Variants in WWP1 observed in about 807,000 individuals in gnomAD.
WWP1 encodes WW domain containing E3 ubiquitin protein ligase 1.
Under a neutral mutation model 130.6 loss-of-function variants are expected in WWP1, and 49 were observed. The observed-to-expected ratio is 0.38, with a 90% CI of 0.30 to 0.48. The LOEUF (loss-of-function observed/expected upper bound fraction) is 0.48. WWP1 is among the 20% of genes least tolerant of loss of function. The probability of loss-of-function intolerance (pLI) is 0.99; values close to 1 mark genes in which losing one functional copy is unlikely to be tolerated. For synonymous variants in WWP1, 332 were observed against 367.8 expected, an observed-to-expected ratio of 0.90 and a Z score of 1.11; for missense variants, 809 against 1,100.6, an observed-to-expected ratio of 0.74 and a Z score of 3.75.
At chr8:86,451,598 C>T (rs566795874) in intron 20 of WWP1, among the ~76,000 whole-genome samples, 3 of 152,178 alleles carry the variant, frequency 2.0e-5, no homozygotes, top group East Asian at 1.9e-4. Context: ...GTTGAGGATA[C>T]GGGACAAAGA....
At chr8:86,382,635 G>T (rs1401804986) in intron 5 of WWP1, among the ~76,000 whole-genome samples, 2 of 152,120 alleles carry the variant, frequency 1.3e-5, no homozygotes, top group East Asian at 3.9e-4. Flanking sequence ...GGAGGTGGAG[G>T]TTGCAGTGAG....
At chr8:86,449,613 G>A (rs1330317707) in intron 20 of WWP1, among the ~76,000 whole-genome samples, 1 of 152,312 alleles carries the variant, frequency 6.6e-6, no homozygotes, top group Non-Finnish European at 1.5e-5. Context: ...TTGCCAGCAC[G>A]TGAACTACAG....
intron 1 of WWP1, among the ~76,000 whole-genome samples, chr8:86,355,945 T>A (rs2130151286): frequency 6.6e-6 from 1 of 152,316 alleles, no homozygotes; most frequent in Non-Finnish European, 1.5e-5. Flanking sequence ...CCCAAGGAAA[T>A]CTGGCTTCAA....
chr8:86,359,318 C>G (rs760073633), intron 1 of WWP1, among the ~76,000 whole-genome samples: 2 of 152,138 alleles, frequency 1.3e-5, no homozygotes, highest in African/African-American at 2.4e-5. Context: ...ACAACTCTAA[C>G]AGTTTCATTG....
intron 1 of WWP1, among the ~76,000 whole-genome samples, chr8:86,347,747 G>T (rs1365317075): frequency 6.6e-6 from 1 of 152,116 alleles, no homozygotes; most frequent in Non-Finnish European, 1.5e-5. Context: ...TAATTCTGTT[G>T]CTTTTACAGA....
chr8:86,466,683 A>C, intron 24 of WWP1, 111 bp from the exon 25 acceptor site: 1 of 589,952 alleles, frequency 1.7e-6, no homozygotes, highest in Admixed American at 3.9e-5. Context: ...AAATTTTAAC[A>C]TATATAGTAT....
intron 3 of WWP1, among the ~76,000 whole-genome samples, chr8:86,376,211 C>T (rs774558404): frequency 9.9e-5 from 15 of 152,184 alleles, no homozygotes; most frequent in Non-Finnish European, 1.8e-4. Flanking sequence ...GACCAATGGA[C>T]AGTACACCTG....
Position 86,387,485 on chromosome 8 carries a change from A to ATATT in WWP1, c.334+5878_334+5881dup, listed in dbSNP as rs769835999. Among the ~76,000 whole-genome samples the ATATT allele has an allele frequency of 7.4e-3, 1,123 of 151,792 alleles. 16 individuals carry two copies. Among genetic ancestry groups the ATATT allele is most frequent in the African/African-American group, 0.025 (1,037 of 41,410 alleles). On this transcript the variant is annotated intron_variant, in intron 5 of 24. Coordinates refer to ENST00000517970, the MANE Select transcript of WWP1 (RefSeq NM_007013.4). ...ATTTTACTGACACATTCATATATGT[A>ATATT]TATTTATTTATTTATTTATTTATTT...
At chr8:86,431,570 G>A in intron 13 of WWP1, 45 bp from the exon 14 acceptor site, 1 of 1,611,918 alleles carries the variant, frequency 6.2e-7, no homozygotes, top group Non-Finnish European at 8.5e-7. Flanking sequence ...GATATTTTTA[G>A]TACCTAGAAA....
At chr8:86,357,952 T>C (rs549337331) in intron 1 of WWP1, among the ~76,000 whole-genome samples, 1 of 152,174 alleles carries the variant, frequency 6.6e-6, no homozygotes, top group Non-Finnish European at 1.5e-5. Context: ...GTCACAATGT[T>C]TCTGTGGGAA....
Position 86,390,297 on chromosome 8 carries a change from G to A in WWP1, c.335-8045G>A, listed in dbSNP as rs930549382. Among the ~76,000 whole-genome samples, 3 of 152,312 alleles carry A rather than the reference G, an allele frequency of 2.0e-5. No homozygotes were observed. In the South Asian group the frequency reaches 6.2e-4, roughly 32 times the overall value. ...TCCTCACTTCCCAGACGGGGTGGCG[G>A]CTGGGCACAGGCTGCAATCTCGGCA... On this transcript the variant is annotated intron_variant, in intron 5 of 24. Coordinates refer to ENST00000517970, the MANE Select transcript of WWP1 (RefSeq NM_007013.4).
rs936137600 is a variant in WWP1, at chr8:86,427,698, A to C, written c.1213A>C (p.Arg405=). ...AGTTTATTATGTGGATCATAACACC[A>C]GAACAACAACGTGGCAGCGGCCTAC... ...RRVYYVDHNT[R]TTTWQRPTME... The change falls in exon 11 of 25, where the codon AGA becomes CGA. Residue 405 remains arginine, a synonymous_variant. Coordinates refer to ENST00000517970, the MANE Select transcript of WWP1 (RefSeq NM_007013.4). 6 of 1,613,956 alleles carry C rather than the reference A, an allele frequency of 3.7e-6. No individual in the cohort carries two copies. The African/African-American group carries it at 6.7e-5, about 18-fold the overall frequency.
chr8:86,360,083 A>G (rs1462992956), intron 1 of WWP1, among the ~76,000 whole-genome samples: 2 of 151,478 alleles, frequency 1.3e-5, no homozygotes, highest in East Asian at 1.9e-4. Flanking sequence ...AAAAAACACA[A>G]TCCTCTAAAT....
At chr8:86,385,490 A>T (rs772444234) in intron 5 of WWP1, among the ~76,000 whole-genome samples, 2 of 152,136 alleles carry the variant, frequency 1.3e-5, no homozygotes, top group Admixed American at 1.3e-4. Context: ...CTGGCAAGAC[A>T]TTTTTTTAAA....
intron 8 of WWP1, among the ~76,000 whole-genome samples, chr8:86,407,390 G>A (rs1341442235): frequency 6.6e-6 from 1 of 152,088 alleles, no homozygotes; most frequent in African/African-American, 2.4e-5. Context: ...CAGCACTGTT[G>A]ACATATTGGC....
At chr8:86,403,247 G>A (rs1248223660) in intron 8 of WWP1, among the ~76,000 whole-genome samples, 1 of 152,118 alleles carries the variant, frequency 6.6e-6, no homozygotes, top group African/African-American at 2.4e-5. Flanking sequence ...TAGAAACATG[G>A]AAAGAAGCAA....
At position 86,411,708 on chromosome 8, in the gene WWP1, A is replaced by G; in HGVS notation, c.895A>G (p.Thr299Ala). 6.2e-7 allele frequency: 1 copy of G among 1,614,156 alleles called. No individual in the cohort carries two copies. The highest frequency in any genetic ancestry group is 8.5e-7 in the Non-Finnish European group (1 of 1,180,024). The change falls in exon 9 of 25, where the codon ACC becomes GCC. Residue 299 changes from threonine (T) to alanine (A), a missense_variant. Physicochemically the swap from Thr to Ala is moderately conservative, Grantham distance 58. Transcript: ENST00000517970. ...SSENNECIPS[T>A]SAELESEARS... ...AGAAAACAATGAATGTATTCCTTCT[A>G]CCAGTGCAGAATTGGAATCTGAAGC...
rs1262221180 is a variant in WWP1, at chr8:86,466,918, C to T, written c.*25C>T. ...AATGTGGCTTCTTATTTTGGAGGAG[C>T]TCTTGCATTTAAATACCCCAGCCAA... On this transcript the variant is annotated 3_prime_UTR_variant, in exon 25 of 25. Transcript: ENST00000517970. 3 of 1,566,326 alleles carry T rather than the reference C, an allele frequency of 1.9e-6. No homozygotes were observed. In the East Asian group the frequency reaches 6.8e-5, roughly 35 times the overall value.
intron 21 of WWP1, among the ~76,000 whole-genome samples, chr8:86,457,300 A>C (rs10107265): frequency 0.083 from 12,684 of 151,964 alleles, 1,769 homozygotes; most frequent in African/African-American, 0.29. Context: ...ATAGGAGGTT[A>C]GTATATTTTT....
Sources: gnomAD v4.1 joint callset for allele counts (sites outside exome capture counted in the v4.1 genomes callset) on GRCh38, gnomAD v4.1.1 for gene constraint, MANE v1.5 for transcripts, NCBI Gene and HGNC (gene_info 2026-07-23, HGNC 2026-07-21) for gene names.